The following SATB1 variants were observed in gnomAD, a reference collection of about 807,000 sequenced individuals.
The protein encoded by SATB1 is SATB homeobox 1.
SATB1 carries 11 observed loss-of-function variants against 86.9 expected under a neutral mutation model. The observed-to-expected ratio is 0.13, with a 90% CI of 0.08 to 0.21. SATB1 has a LOEUF of 0.21. SATB1 is among the 10% of genes least tolerant of loss of function. The pLI, the probability that SATB1 is intolerant of heterozygous loss-of-function variation, is 1.00. For synonymous variants in SATB1, 357 were observed against 357.2 expected, an observed-to-expected ratio of 1.00 and a Z score of 0.01; for missense variants, 551 against 937.6, an observed-to-expected ratio of 0.59 and a Z score of 5.39.
At chr3:18,417,508 A>G (rs1393518849) in intron 2 of SATB1, 3 of 605,340 alleles carry the variant, frequency 5.0e-6, no homozygotes, top group Admixed American at 3.0e-5. Flanking sequence ...GATTTTGTTA[A>G]TAATAAACTT....
chr3:18,394,965 T>C lies in SATB1; in HGVS notation c.752-49A>G, dbSNP rs1285591440. ...CACATTCAGCCAACAATGATTGGCA[T>C]TGATAAAGATTTCTAACCATTTCCT... On this transcript the variant is annotated intron_variant, in intron 6 of 10. Coordinates refer to ENST00000338745, the MANE Select transcript of SATB1 (RefSeq NM_002971.6). This position sits in a 1 kb window ranked among gnomAD's most constrained non-coding sequence, Gnocchi z 5.9. 2.2e-6 allele frequency: 3 copies of C among 1,357,808 alleles called. No homozygotes were observed. The highest frequency in any genetic ancestry group is 1.4e-5 in the African/African-American group (1 of 69,162). 84.1% of individuals were successfully genotyped at this position (1,357,808 alleles called of 1,614,324 possible).
upstream of SATB1, among the ~76,000 whole-genome samples, chr3:18,443,199 A>T (rs1699285089): frequency 6.6e-6 from 1 of 152,238 alleles, no homozygotes; most frequent in Non-Finnish European, 1.5e-5. The surrounding 1 kb of genome is among the most constrained non-coding windows in gnomAD (Gnocchi z 4.4). Flanking sequence ...CAGATTGCTT[A>T]GGACAAAACC....
chr3:18,406,457 G>T (rs900209099), intron 5 of SATB1, among the ~76,000 whole-genome samples: 1 of 151,892 alleles, frequency 6.6e-6, no homozygotes, highest in African/African-American at 2.4e-5. Context: ...AGAAGTGTGG[G>T]TCTCAAATAT....
chr3:18,401,937 A>G (rs912723769), intron 5 of SATB1, among the ~76,000 whole-genome samples: 2 of 152,128 alleles, frequency 1.3e-5, no homozygotes, highest in African/African-American at 4.8e-5. Context: ...TTTTCAGCCA[A>G]ATACATTATT....
At chr3:18,368,986 G>T (rs146808564) in intron 9 of SATB1, among the ~76,000 whole-genome samples, 3 of 151,796 alleles carry the variant, frequency 2.0e-5, no homozygotes, top group Admixed American at 6.6e-5. Flanking sequence ...CCTGCATTTC[G>T]CCAGGTTATC....
At chr3:18,365,354 CAG>C (rs1451016688) in intron 9 of SATB1, among the ~76,000 whole-genome samples, 1 of 151,688 alleles carries the variant, frequency 6.6e-6, no homozygotes, top group Non-Finnish European at 1.5e-5. Flanking sequence ...TCCAAAGACA[CAG>C]GGGTTTTCCA....
intron 8 of SATB1, among the ~76,000 whole-genome samples, chr3:18,381,198 A>G (rs1242018374): frequency 6.6e-6 from 1 of 152,114 alleles, no homozygotes; most frequent in Non-Finnish European, 1.5e-5. Context: ...TAAAAACTCT[A>G]TTTTGCTTCT....
intron 2 of SATB1, among the ~76,000 whole-genome samples, chr3:18,419,055 A>G (rs1001983845): frequency 6.6e-6 from 1 of 152,130 alleles, no homozygotes; most frequent in African/African-American, 2.4e-5. Context: ...TTTTCCTTAG[A>G]TCTATGAAAT....
chr3:18,383,721 C>T (rs1200116842), intron 8 of SATB1, among the ~76,000 whole-genome samples: 1 of 152,108 alleles, frequency 6.6e-6, no homozygotes, highest in African/African-American at 2.4e-5. Flanking sequence ...CCAGTTTAAG[C>T]ATCATTTCAT....
chr3:18,351,210 T>G, intron 10 of SATB1: 2 of 884,674 alleles, frequency 2.3e-6, no homozygotes, highest in Non-Finnish European at 3.6e-6. Context: ...AGACCATGGT[T>G]AGTAGGGCCT....
In SATB1 at chr3:18,445,528, G is replaced by GC. The variant is rs1305908024; in HGVS notation, c.-36dup. On this transcript the variant is annotated 5_prime_UTR_variant, in exon 1 of 4. Transcript: ENST00000415069. ...ACCCTGCCCCCTCACCTCTCCGGGGGCCCCCAACACGCGCACTCCTCCTCT... is the reference window on the plus strand; with the variant it reads ...ACCCTGCCCCCTCACCTCTCCGGGGGCCCCCCAACACGCGCACTCCTCCTCT... 5.1e-6 allele frequency: 5 copies of GC among 985,620 alleles called. No individual in the cohort carries two copies. The East Asian group carries it at 4.6e-4, about 90-fold the overall frequency. The allele number at this position is 985,620 out of a possible 1,614,324, so 61.1% of individuals were successfully genotyped here.
intron 5 of SATB1, among the ~76,000 whole-genome samples, chr3:18,407,741 C>T (rs987399732): frequency 9.9e-5 from 15 of 151,934 alleles, no homozygotes; most frequent in African/African-American, 3.6e-4. Context: ...CAAAAACACA[C>T]AAAAAGTAAC....
intron 5 of SATB1, among the ~76,000 whole-genome samples, chr3:18,401,888 T>TA (rs1438241919): frequency 6.6e-6 from 1 of 152,104 alleles, no homozygotes; most frequent in Non-Finnish European, 1.5e-5. Context: ...GAAACCCCAG[T>TA]ACTCTAGAAT....
intron 1 of SATB1, among the ~76,000 whole-genome samples, chr3:18,421,562 T>A (rs2125172846): frequency 6.6e-6 from 1 of 152,292 alleles, no homozygotes; most frequent in Non-Finnish European, 1.5e-5. Context: ...TTTTGTAAAT[T>A]AATGCATAGA....
At chr3:18,401,381 A>G (rs1306195864) in intron 5 of SATB1, among the ~76,000 whole-genome samples, 1 of 152,020 alleles carries the variant, frequency 6.6e-6, no homozygotes, top group Non-Finnish European at 1.5e-5. Flanking sequence ...TTGTTCATTA[A>G]TTTGCAAGAG....
chr3:18,428,997 G>T (rs1698802793), upstream of SATB1, among the ~76,000 whole-genome samples: 1 of 151,284 alleles, frequency 6.6e-6, no homozygotes, highest in South Asian at 2.1e-4. Context: ...CTAAGGACAT[G>T]TTTTTTTTTC....
chr3:18,434,096 A>G (rs1258750179), intron 2 of SATB1, among the ~76,000 whole-genome samples: 2 of 152,254 alleles, frequency 1.3e-5, no homozygotes, highest in East Asian at 3.9e-4. Context: ...AATATCCACT[A>G]TTCTTCTATT....
intron 8 of SATB1, among the ~76,000 whole-genome samples, chr3:18,380,546 C>T (rs1695997512): frequency 1.3e-5 from 2 of 151,558 alleles, no homozygotes; most frequent in South Asian, 4.2e-4. Context: ...AAAAAGTATA[C>T]AAGAAATATT....
chr3:18,443,091 C>G (rs1699282243), upstream of SATB1, among the ~76,000 whole-genome samples: 1 of 152,188 alleles, frequency 6.6e-6, no homozygotes, highest in African/African-American at 2.4e-5. The surrounding 1 kb of genome is among the most constrained non-coding windows in gnomAD (Gnocchi z 4.4). Context: ...TCTCACATTC[C>G]TGACATCTCA....
Sources: gnomAD v4.1 joint callset for allele counts (sites outside exome capture counted in the v4.1 genomes callset) on GRCh38, gnomAD v4.1.1 for gene constraint, Gnocchi (gnomAD v3.1) non-coding constraint, MANE v1.5 for transcripts, NCBI Gene and HGNC (gene_info 2026-07-23, HGNC 2026-07-21) for gene names.